Variants in FGGY observed in about 807,000 individuals in gnomAD.
FGGY encodes the protein FGGY carbohydrate kinase domain-containing protein.
Under a neutral mutation model 71.3 loss-of-function variants are expected in FGGY, and 72 were observed. The ratio of observed to expected loss-of-function variants is 1.01; its 90% CI spans 0.84 to 1.23. FGGY has a LOEUF of 1.23. Ranked by LOEUF, FGGY falls within the 50% of genes most tolerant of loss-of-function variation. FGGY has a pLI of 0.00. For synonymous variants in FGGY, 251 were observed against 250.3 expected (o/e 1.00, Z -0.02); for missense variants, 668 against 682.3 (o/e 0.98, Z 0.23).
At chr1:59,387,476 T>C (rs1258388811) in intron 5 of FGGY, among the ~76,000 whole-genome samples, 2 of 152,218 alleles carry the variant, frequency 1.3e-5, no homozygotes, top group Non-Finnish European at 2.9e-5. Context: ...TATGTCATTG[T>C]CAATTACTAA....
At chr1:59,448,708 T>C (rs909014382) in intron 5 of FGGY, among the ~76,000 whole-genome samples, 13 of 152,208 alleles carry the variant, frequency 8.5e-5, no homozygotes, top group African/African-American at 3.1e-4. Context: ...TTCATCCATA[T>C]AACTGGATGA....
chr1:59,480,678 G>A (rs626733), intron 6 of FGGY, among the ~76,000 whole-genome samples: 67,716 of 152,000 alleles, frequency 0.45, 15,393 homozygotes, highest in African/African-American at 0.52. Flanking sequence ...TCTAGGTGAA[G>A]AGTTGAGTGA....
chr1:59,747,430 G>A (rs887621361), intron 14 of FGGY, among the ~76,000 whole-genome samples: 4 of 152,268 alleles, frequency 2.6e-5, no homozygotes, highest in Non-Finnish European at 4.4e-5. Flanking sequence ...ACTTTCCCTT[G>A]CTAGGAAAAC....
At position 59,623,703 on chromosome 1, in the gene FGGY, AC is replaced by A. The variant is rs1166115045; in HGVS notation, c.1012-2283del. Among the ~76,000 whole-genome samples, 4 of 152,084 alleles carry A rather than the reference AC, an allele frequency of 2.6e-5. No homozygotes were observed. In the East Asian group the frequency reaches 5.8e-4, roughly 22 times the overall value. Reference sequence around the variant, plus strand: ...TTTATGGCCTCTCAGCTGAAGCTTCACCTACTCCAACTGTATAATGATTGCC... The same window carrying A: ...TTTATGGCCTCTCAGCTGAAGCTTCACTACTCCAACTGTATAATGATTGCC... On this transcript the variant is annotated intron_variant, in intron 9 of 15. Transcript: ENST00000303721.
At chr1:59,296,780 G>A (rs1307958916), upstream of FGGY, 4 of 153,308 alleles carry the variant, frequency 2.6e-5, no homozygotes, top group Admixed American at 6.5e-5. Context: ...GCGCCGGCGG[G>A]GGCGGGATCG....
chr1:59,527,815 C>G (rs759825073), intron 7 of FGGY, among the ~76,000 whole-genome samples: 8 of 152,068 alleles, frequency 5.3e-5, no homozygotes, highest in Non-Finnish European at 1.0e-4. Flanking sequence ...AATCATCCAT[C>G]GTTAATCGAA....
chr1:59,565,070 G>T (rs908396059), intron 8 of FGGY, among the ~76,000 whole-genome samples: 1 of 152,118 alleles, frequency 6.6e-6, no homozygotes, highest in Non-Finnish European at 1.5e-5. Flanking sequence ...GATGGGGGTG[G>T]TATATGGGAG....
At chr1:59,606,562 G>T (rs1390810861) in intron 8 of FGGY, among the ~76,000 whole-genome samples, 1 of 152,046 alleles carries the variant, frequency 6.6e-6, no homozygotes, top group Non-Finnish European at 1.5e-5. Context: ...TGTTTAAACT[G>T]ATTTGTCTAT....
At chr1:59,745,211 C>G (rs910718606) in intron 14 of FGGY, among the ~76,000 whole-genome samples, 5 of 152,116 alleles carry the variant, frequency 3.3e-5, no homozygotes, top group Non-Finnish European at 5.9e-5. Context: ...AAGGCCAGCT[C>G]CAAAGTCTAG....
chr1:59,757,688 A>G (rs2098304729), intron 14 of FGGY, among the ~76,000 whole-genome samples: 1 of 152,214 alleles, frequency 6.6e-6, no homozygotes, highest in South Asian at 2.1e-4. Context: ...AGAGGCCTCA[A>G]TACACAAGTA....
intron 6 of FGGY, among the ~76,000 whole-genome samples, chr1:59,482,634 G>GTATATATATATA (rs3990413): frequency 1.4e-5 from 2 of 147,462 alleles, no homozygotes; most frequent in African/African-American, 5.0e-5. Flanking sequence ...GTGTCTGTGT[G>GTATATATATATA]TATATATATA....
intron 14 of FGGY, among the ~76,000 whole-genome samples, chr1:59,743,773 C>A (rs538467057): frequency 2.4e-4 from 36 of 152,262 alleles, no homozygotes; most frequent in Middle Eastern, 3.4e-3. Flanking sequence ...GAAGTACAAC[C>A]CAAAAATAAA....
At chr1:59,460,181 G>T (rs1314085450) in intron 6 of FGGY, among the ~76,000 whole-genome samples, 1 of 152,098 alleles carries the variant, frequency 6.6e-6, no homozygotes. Context: ...CTGGAAAATC[G>T]GGACACTGCC....
At chr1:59,467,734 A>G (rs2092716536) in intron 6 of FGGY, among the ~76,000 whole-genome samples, 1 of 152,184 alleles carries the variant, frequency 6.6e-6, no homozygotes, top group Non-Finnish European at 1.5e-5. Flanking sequence ...CTCCATCCCT[A>G]TGAGACTGTA....
At chr1:59,314,013 C>A (rs2044901512) in intron 1 of FGGY, among the ~76,000 whole-genome samples, 1 of 151,474 alleles carries the variant, frequency 6.6e-6, no homozygotes, top group South Asian at 2.1e-4. Flanking sequence ...GTTGCCCAGG[C>A]TAGAGTGCGG....
chr1:59,569,283 A>G (rs1236311873), intron 8 of FGGY, among the ~76,000 whole-genome samples: 2 of 152,178 alleles, frequency 1.3e-5, no homozygotes, highest in South Asian at 2.1e-4. Flanking sequence ...TAAAAAGAAC[A>G]AAAGGTAATG....
intron 8 of FGGY, among the ~76,000 whole-genome samples, chr1:59,578,389 T>C (rs2096123171): frequency 6.6e-6 from 1 of 151,918 alleles, no homozygotes; most frequent in Admixed American, 6.6e-5. Context: ...AAGTGAGACC[T>C]TCCCCAGGCA....
chr1:59,579,837 T>C (rs1028243286), intron 8 of FGGY, among the ~76,000 whole-genome samples: 1 of 152,194 alleles, frequency 6.6e-6, no homozygotes, highest in Non-Finnish European at 1.5e-5. Context: ...TAATTTTGCA[T>C]TTCACTGAGA....
At chr1:59,444,746 A>C (rs975447259) in intron 5 of FGGY, among the ~76,000 whole-genome samples, 1 of 152,178 alleles carries the variant, frequency 6.6e-6, no homozygotes, top group Non-Finnish European at 1.5e-5. Flanking sequence ...CCTTATGAGA[A>C]TCTAATGCCT....
Sources: gnomAD v4.1 joint callset for allele counts (sites outside exome capture counted in the v4.1 genomes callset) on GRCh38, gnomAD v4.1.1 for gene constraint, MANE v1.5 for transcripts, NCBI Gene and HGNC (gene_info 2026-07-23, HGNC 2026-07-21) for gene names.